SUMF1: variants seen among roughly 807,000 people sequenced by gnomAD.
SUMF1 encodes formylglycine-generating enzyme.
Under a neutral mutation model 47.6 loss-of-function variants are expected in SUMF1, and 48 were observed. The observed-to-expected ratio is 1.01, with a 90% CI of 0.80 to 1.28. SUMF1 has a LOEUF of 1.28. Ranked by LOEUF, SUMF1 falls within the 50% of genes most tolerant of loss-of-function variation. The probability of loss-of-function intolerance (pLI) is 0.00; values close to 1 mark genes in which losing one functional copy is unlikely to be tolerated. For synonymous variants in SUMF1, 230 were observed against 192.1 expected (o/e 1.20, Z -1.63); for missense variants, 571 against 485.4 (o/e 1.18, Z -1.66).
At chr3:4,266,634 T>A (rs542531509) in intron 8 of SUMF1, among the ~76,000 whole-genome samples, 55 of 151,912 alleles carry the variant, frequency 3.6e-4, no homozygotes, top group African/African-American at 1.3e-3. Flanking sequence ...GCTGAGACAA[T>A]GGGGTTTTCT....
intron 8 of SUMF1, among the ~76,000 whole-genome samples, chr3:4,135,549 C>G (rs542689032): frequency 6.6e-6 from 1 of 152,076 alleles, no homozygotes; most frequent in Non-Finnish European, 1.5e-5. Flanking sequence ...AAGCATTCCC[C>G]TTGAAAACTG....
chr3:4,376,456 AATCCACTTTG>A, intron 7 of SUMF1, 67 bp from the exon 8 acceptor site: 5 of 1,521,160 alleles, frequency 3.3e-6, no homozygotes, highest in Middle Eastern at 1.7e-4. Flanking sequence ...AGTGGGAGAG[AATCCACTTTG>A]ATCCAACCAG....
intron 8 of SUMF1, among the ~76,000 whole-genome samples, chr3:4,256,563 C>A (rs1296193444): frequency 2.7e-5 from 4 of 145,568 alleles, no homozygotes; most frequent in Non-Finnish European, 1.5e-5. Flanking sequence ...AAGACTAAAC[C>A]AGGAAGAAGT....
chr3:4,467,231 T>C lies in SUMF1; in HGVS notation c.15A>G (p.Ala5=), dbSNP rs767185203. The stretch of plus-strand genomic sequence containing the variant: ...GGCAACGTCCACACACCAGCCCTAG[T>C]GCGGGCGCAGCCATGTTGTCCCGCG... The part of the protein sequence containing the change: MAAP[A]LGLVCGRCPE... The change falls in exon 1 of 9, where the codon GCA becomes GCG. Residue 5 remains alanine, a synonymous_variant. Transcript: ENST00000272902. The C allele has an allele frequency of 6.2e-7, 1 of 1,610,170 alleles. No homozygotes were observed. Among genetic ancestry groups the C allele is most frequent in the African/African-American group, 1.3e-5 (1 of 74,834 alleles).
chr3:4,262,736 A>T (rs752008195), intron 8 of SUMF1, among the ~76,000 whole-genome samples: 4 of 152,184 alleles, frequency 2.6e-5, no homozygotes, highest in Non-Finnish European at 4.4e-5. Context: ...GGCTGACCAC[A>T]TGCCCTAAAC....
intron 8 of SUMF1, among the ~76,000 whole-genome samples, chr3:4,263,172 C>G (rs1356659841): frequency 6.6e-6 from 1 of 152,174 alleles, no homozygotes; most frequent in African/African-American, 2.4e-5. Context: ...AATCTCCAAT[C>G]TGTAATATTA....
chr3:4,133,931 C>G (rs911996050), intron 8 of SUMF1, among the ~76,000 whole-genome samples: 2 of 152,004 alleles, frequency 1.3e-5, no homozygotes, highest in Non-Finnish European at 2.9e-5. Flanking sequence ...TGGGAACACA[C>G]GGGCAGACTG....
chr3:4,335,891 C>G (rs79228391), intron 8 of SUMF1, among the ~76,000 whole-genome samples: 1 of 134,310 alleles, frequency 7.4e-6, no homozygotes, highest in African/African-American at 2.8e-5. Flanking sequence ...ATCCAGGAGG[C>G]AGAGGTTGCA....
intron 8 of SUMF1, among the ~76,000 whole-genome samples, chr3:4,319,424 G>A (rs1698772940): frequency 6.6e-6 from 1 of 152,178 alleles, no homozygotes; most frequent in Non-Finnish European, 1.5e-5. Context: ...CTTACATAGT[G>A]AGGGAAGGAA....
chr3:4,390,690 T>C (rs937653192), intron 7 of SUMF1, among the ~76,000 whole-genome samples: 3 of 152,150 alleles, frequency 2.0e-5, no homozygotes, highest in African/African-American at 7.2e-5. Flanking sequence ...CCAGGGGATC[T>C]TTCCACCTAA....
At chr3:4,227,777 CT>C (rs1696206627) in intron 8 of SUMF1, among the ~76,000 whole-genome samples, 1 of 152,104 alleles carries the variant, frequency 6.6e-6, no homozygotes, top group African/African-American at 2.4e-5. Flanking sequence ...GGAGGCATTG[CT>C]TTTAGTCCCT....
chr3:4,134,117 C>T (rs1342382647), intron 8 of SUMF1, among the ~76,000 whole-genome samples: 1 of 152,082 alleles, frequency 6.6e-6, no homozygotes, highest in African/African-American at 2.4e-5. Context: ...ACCACGCAGA[C>T]CTAATAGACA....
intron 8 of SUMF1, among the ~76,000 whole-genome samples, chr3:4,078,798 T>A (rs1489664319): frequency 6.6e-6 from 1 of 151,984 alleles, no homozygotes; most frequent in Non-Finnish European, 1.5e-5. Flanking sequence ...ATGAAGTAGG[T>A]ACTGTGGTTA....
At chr3:4,244,159 G>C (rs536785497) in intron 8 of SUMF1, among the ~76,000 whole-genome samples, 3 of 152,078 alleles carry the variant, frequency 2.0e-5, no homozygotes, top group African/African-American at 7.3e-5. Flanking sequence ...GTGTGTCTTT[G>C]CATGTGAGAT....
At chr3:4,296,359 A>T (rs1697851126) in intron 8 of SUMF1, among the ~76,000 whole-genome samples, 1 of 152,076 alleles carries the variant, frequency 6.6e-6, no homozygotes, top group Non-Finnish European at 1.5e-5. Flanking sequence ...ATTCATAAAG[A>T]TCATATAACT....
intron 8 of SUMF1, among the ~76,000 whole-genome samples, chr3:4,248,678 T>C (rs1232105124): frequency 6.6e-6 from 1 of 152,186 alleles, no homozygotes; most frequent in Non-Finnish European, 1.5e-5. Flanking sequence ...CAAAAGGGAC[T>C]TTTTTCCTGC....
chr3:4,244,795 CCTTG>C (rs1696623680), intron 8 of SUMF1, among the ~76,000 whole-genome samples: 1 of 152,034 alleles, frequency 6.6e-6, no homozygotes, highest in Admixed American at 6.6e-5. Flanking sequence ...TGTTGGCCTG[CCTTG>C]CTAGGTTGGG....
chr3:4,369,350 A>G (rs1358155219), intron 8 of SUMF1, among the ~76,000 whole-genome samples: 5 of 152,210 alleles, frequency 3.3e-5, no homozygotes, highest in Admixed American at 2.6e-4. Flanking sequence ...TCTGCATGCA[A>G]TGGAAGCTCT....
chr3:4,260,874 C>T (rs1207989280), intron 8 of SUMF1, among the ~76,000 whole-genome samples: 2 of 152,294 alleles, frequency 1.3e-5, no homozygotes, highest in Admixed American at 6.5e-5. Context: ...CCAAGGAATG[C>T]AGCCACCTCT....
Sources: gnomAD v4.1 joint callset for allele counts (sites outside exome capture counted in the v4.1 genomes callset) on GRCh38, gnomAD v4.1.1 for gene constraint, MANE v1.5 for transcripts, NCBI Gene and HGNC (gene_info 2026-07-23, HGNC 2026-07-21) for gene names.